The following GRID2 variants were observed in gnomAD, a reference collection of about 807,000 sequenced individuals.
GRID2 encodes glutamate ionotropic receptor delta type subunit 2.
A neutral mutation model predicts 114.8 loss-of-function variants in GRID2; 33 were observed. The ratio of observed to expected loss-of-function variants is 0.29; its 90% CI spans 0.22 to 0.38. The LOEUF is 0.38. Among genes scored for constraint, GRID2 ranks in the 10% least tolerant of loss-of-function variants. GRID2 has a pLI of 1.00. For synonymous variants in GRID2, 505 were observed against 449.9 expected (o/e 1.12, Z -1.55); for missense variants, 1,184 against 1,257.7 (o/e 0.94, Z 0.89).
intron 1 of GRID2, among the ~76,000 whole-genome samples, chr4:92,322,058 A>T (rs1726343618): frequency 6.6e-6 from 1 of 152,160 alleles, no homozygotes; most frequent in Non-Finnish European, 1.5e-5. Flanking sequence ...TCAGGGTCCT[A>T]GATTAGGCAT....
chr4:93,798,105 A>T (rs1419126024), intron 1 of GRID2, among the ~76,000 whole-genome samples: 1 of 152,174 alleles, frequency 6.6e-6, no homozygotes, highest in Non-Finnish European at 1.5e-5. Context: ...GTGAGCCGAG[A>T]TCGCACCATC....
chr4:92,831,257 C>G (rs1742080466), intron 2 of GRID2, among the ~76,000 whole-genome samples: 1 of 152,072 alleles, frequency 6.6e-6, no homozygotes, highest in Non-Finnish European at 1.5e-5. Context: ...TACCAAAGAA[C>G]CAAAGGATTG....
intron 2 of GRID2, among the ~76,000 whole-genome samples, chr4:92,676,453 T>A (rs1733377543): frequency 6.6e-6 from 1 of 152,128 alleles, no homozygotes; most frequent in African/African-American, 2.4e-5. Context: ...GTGCTGGGAT[T>A]ACAGGCATGA....
intron 1 of GRID2, among the ~76,000 whole-genome samples, chr4:92,423,535 G>A (rs990940953): frequency 2.0e-5 from 3 of 152,082 alleles, no homozygotes; most frequent in African/African-American, 7.2e-5. Flanking sequence ...AGTTTAAAAA[G>A]TGAAGAGAAG....
At chr4:92,477,181 G>A (rs1722362254) in intron 1 of GRID2, among the ~76,000 whole-genome samples, 1 of 151,328 alleles carries the variant, frequency 6.6e-6, no homozygotes, top group African/African-American at 2.4e-5. Context: ...AGCAGTGCAG[G>A]CACTTGAAAA....
At chr4:92,804,457 G>A (rs933442382) in intron 2 of GRID2, among the ~76,000 whole-genome samples, 4 of 151,880 alleles carry the variant, frequency 2.6e-5, no homozygotes, top group African/African-American at 9.7e-5. Context: ...GAAAAATTCT[G>A]TAGAAGATAT....
At chr4:93,237,824 AT>A (rs2149511670) in intron 7 of GRID2, among the ~76,000 whole-genome samples, 1 of 151,982 alleles carries the variant, frequency 6.6e-6, no homozygotes, top group South Asian at 2.1e-4. Flanking sequence ...TTCAAGCCTA[AT>A]TTAACTTTCT....
chr4:93,797,629 C>T (rs750008593), intron 1 of GRID2, among the ~76,000 whole-genome samples: 11 of 152,002 alleles, frequency 7.2e-5, no homozygotes, highest in Non-Finnish European at 1.2e-4. Flanking sequence ...TTTTTCCCTC[C>T]TTTCCTCCCC....
intron 8 of GRID2, among the ~76,000 whole-genome samples, chr4:93,345,323 CT>C (rs1760108674): frequency 6.6e-6 from 1 of 151,800 alleles, no homozygotes; most frequent in South Asian, 2.1e-4. Flanking sequence ...TACTTGTTAT[CT>C]TTAGTAGTAG....
intron 12 of GRID2, among the ~76,000 whole-genome samples, chr4:93,495,637 G>T (rs754856452): frequency 6.6e-6 from 1 of 151,748 alleles, no homozygotes; most frequent in African/African-American, 2.4e-5. Flanking sequence ...GAGAGAAAAT[G>T]TAGGCATGCA....
intron 3 of GRID2, among the ~76,000 whole-genome samples, chr4:93,107,387 A>C (rs1002162138): frequency 1.3e-5 from 2 of 152,210 alleles, no homozygotes; most frequent in African/African-American, 2.4e-5. Context: ...AGAAGTGACA[A>C]CCAGGATTCC....
At chr4:93,632,898 A>G (rs954683770) in intron 14 of GRID2, among the ~76,000 whole-genome samples, 1 of 152,130 alleles carries the variant, frequency 6.6e-6, no homozygotes, top group African/African-American at 2.4e-5. Context: ...TTTGTTGAGC[A>G]GTAGTTTGTA....
chr4:93,508,021 T>C (rs965264569), intron 12 of GRID2, among the ~76,000 whole-genome samples: 10 of 151,418 alleles, frequency 6.6e-5, no homozygotes, highest in African/African-American at 1.7e-4. Flanking sequence ...GGTGGGGGAA[T>C]TGGGAGGGAT....
chr4:93,112,182 G>T (rs753173820), intron 4 of GRID2: 10 of 152,074 alleles, frequency 6.6e-5, no homozygotes, highest in Non-Finnish European at 2.9e-5. Flanking sequence ...TGCAATAGAG[G>T]CGGTTGAAGC....
intron 1 of GRID2, among the ~76,000 whole-genome samples, chr4:92,410,835 A>ATT (rs5860274): frequency 0.051 from 6,065 of 117,808 alleles, 243 homozygotes; most frequent in South Asian, 0.082. Context: ...CTGCAAAAGC[A>ATT]TTTTTTTTTT....
At chr4:93,369,761 T>C (rs1762693270) in intron 8 of GRID2, among the ~76,000 whole-genome samples, 1 of 152,160 alleles carries the variant, frequency 6.6e-6, no homozygotes, top group Non-Finnish European at 1.5e-5. Flanking sequence ...ACTGCTGGGA[T>C]TACAGGTATA....
intron 2 of GRID2, among the ~76,000 whole-genome samples, chr4:92,737,335 CTTATGA>C (rs1736644437): frequency 6.6e-6 from 1 of 151,996 alleles, no homozygotes; most frequent in Non-Finnish European, 1.5e-5. Context: ...AGAAAGGAAT[CTTATGA>C]TTATGTGTAT....
In GRID2 at chr4:92,449,676, GATATATAT is replaced by G. The variant is rs371209786; in HGVS notation, c.89-140427_89-140420del. Among the ~76,000 whole-genome samples, 440 of 96,744 alleles carry G rather than the reference GATATATAT, an allele frequency of 4.5e-3. 4 individuals carry two copies. The highest frequency in any genetic ancestry group is 0.027 in the Middle Eastern group (4 of 146). 63.5% of individuals were successfully genotyped at this position (96,744 alleles called of 152,430 possible). A position where few individuals can be genotyped will look rare whatever the true frequency, so the allele number is the denominator to read the frequency against. Reference sequence around the variant, plus strand: ...TCAAATATGTCTATCTTTTCTTACTGATATATATATATATATATATATATATATATATA... The same window carrying G: ...TCAAATATGTCTATCTTTTCTTACTGATATATATATATATATATATATATA... On this transcript the variant is annotated intron_variant, in intron 1 of 15. Transcript: ENST00000282020.
intron 2 of GRID2, among the ~76,000 whole-genome samples, chr4:92,625,239 A>G (rs1028046954): frequency 6.6e-6 from 1 of 151,738 alleles, no homozygotes; most frequent in Non-Finnish European, 1.5e-5. Context: ...TAATTTTTCA[A>G]TTAAATGGTT....
Sources: allele counts gnomAD v4.1 joint callset (sites outside exome capture counted in the v4.1 genomes callset), GRCh38; gene constraint gnomAD v4.1.1; transcripts MANE v1.5; gene names NCBI Gene and HGNC (gene_info 2026-07-23, HGNC 2026-07-21).